LPIN1: variants seen among roughly 807,000 people sequenced by gnomAD.
LPIN1 encodes the protein phosphatidate phosphatase LPIN1.
In LPIN1, 71 loss-of-function variants were observed where a neutral mutation model predicts 107.5. The ratio of observed to expected loss-of-function variants is 0.66; its 90% CI spans 0.55 to 0.80. LPIN1 has a LOEUF of 0.80. Ranked by LOEUF, LPIN1 falls within the 30% of genes least tolerant of loss-of-function variation. The pLI is 0.00. For missense variants in LPIN1, 1,043 were observed against 1,160.6 expected (o/e 0.90, Z 1.47); for synonymous variants, 445 against 452.6 (o/e 0.98, Z 0.21).
chr2:11,714,857 A>T (rs1663626918), intron 2 of LPIN1, among the ~76,000 whole-genome samples: 1 of 152,194 alleles, frequency 6.6e-6, no homozygotes, highest in Admixed American at 6.5e-5. Flanking sequence ...TGGACTAAGG[A>T]TTTGCAGAGG....
chr2:11,801,636 T>A (rs1311802974), intron 14 of LPIN1, among the ~76,000 whole-genome samples: 1 of 152,096 alleles, frequency 6.6e-6, no homozygotes, highest in Non-Finnish European at 1.5e-5. Context: ...AGAGGTTGGT[T>A]AATGGGTACA....
At chr2:11,768,366 GA>G (rs890105231) in intron 3 of LPIN1, among the ~76,000 whole-genome samples, 2 of 152,096 alleles carry the variant, frequency 1.3e-5, no homozygotes, top group Admixed American at 1.3e-4. Context: ...AACCCCAAAA[GA>G]AACACCATAC....
At chr2:11,788,796 T>A (rs1675129513) in intron 12 of LPIN1, among the ~76,000 whole-genome samples, 1 of 152,128 alleles carries the variant, frequency 6.6e-6, no homozygotes, top group South Asian at 2.1e-4. Flanking sequence ...ATTGTCACCC[T>A]GGAAAGGTGG....
chr2:11,769,945 C>T (rs953281729), intron 3 of LPIN1, among the ~76,000 whole-genome samples: 12 of 152,342 alleles, frequency 7.9e-5, no homozygotes, highest in South Asian at 4.1e-4. Flanking sequence ...CCATCCTGCC[C>T]GCCCAGAATG....
chr2:11,704,738 C>T (rs1291484474), intron 1 of LPIN1, among the ~76,000 whole-genome samples: 2 of 152,180 alleles, frequency 1.3e-5, no homozygotes, highest in East Asian at 3.9e-4. Flanking sequence ...CAGCTGGGAT[C>T]CCCAGCCCTG....
intron 20 of LPIN1, among the ~76,000 whole-genome samples, chr2:11,822,448 T>TA (rs879659668): frequency 6.5e-4 from 86 of 131,850 alleles, no homozygotes; most frequent in Middle Eastern, 3.9e-3. Context: ...AGACTCCATC[T>TA]AAAAAAAAAA....
At chr2:11,732,286 A>G (rs998734335) in intron 1 of LPIN1, among the ~76,000 whole-genome samples, 4 of 152,254 alleles carry the variant, frequency 2.6e-5, no homozygotes, top group African/African-American at 4.8e-5. Context: ...ACAGAAAGAA[A>G]TACTGCATTT....
At chr2:11,698,024 G>A (rs1025365424) in intron 1 of LPIN1, among the ~76,000 whole-genome samples, 10 of 152,136 alleles carry the variant, frequency 6.6e-5, no homozygotes, top group African/African-American at 2.2e-4. Context: ...TGTCTCCAGC[G>A]CTGTGTTGTC....
Position 11,792,023 on chromosome 2 carries a change from A to C in LPIN1, c.1806+17A>C, listed in dbSNP as rs1389545748. 6.2e-7 allele frequency: 1 copy of C among 1,605,840 alleles called. No individual in the cohort carries two copies. Among genetic ancestry groups the C allele is most frequent in the Non-Finnish European group, 8.5e-7 (1 of 1,172,930 alleles). The stretch of plus-strand genomic sequence containing the variant: ...ATCAAGGAGGTAAGCCCAGAAGACA[A>C]AGCAGTGCTCACACTTAGCAAGTGT... On this transcript the variant is annotated intron_variant, in intron 13 of 20. Transcript: ENST00000674199.
In LPIN1 at chr2:11,819,958, C is replaced by T. The variant is rs77824775; in HGVS notation, c.2517+360C>T. Among the ~76,000 whole-genome samples the T allele has an allele frequency of 3.1e-3, 476 of 152,304 alleles. 3 individuals carry two copies. Among genetic ancestry groups the T allele is most frequent in the South Asian group, 9.3e-3 (45 of 4,818 alleles). ...CCATAATGGCGAATTCAGCATCTCA[C>T]GTTTTAAGTGTCTAGTGTTGTCTCG... On this transcript the variant is annotated intron_variant, in intron 19 of 20. Transcript: ENST00000674199.
chr2:11,749,873 G>C (rs911318364), intron 1 of LPIN1, among the ~76,000 whole-genome samples: 2 of 152,220 alleles, frequency 1.3e-5, no homozygotes, highest in African/African-American at 2.4e-5. Context: ...TGTGATTCTT[G>C]CAACAACTTA....
In LPIN1 at chr2:11,677,738, G is replaced by T. The variant is rs751058683; in HGVS notation, c.81+10G>T. ...CTCGGCTTGGTCATGGGTAAGGGCC[G>T]GCCATGTGGCCATCTGCAAACACAG... On this transcript the variant is annotated intron_variant, in intron 1 of 21. Transcript: ENST00000449576. The T allele has an allele frequency of 1.8e-5, 28 of 1,533,548 alleles. No individual in the cohort carries two copies. The Admixed American group carries it at 2.9e-4, about 16-fold the overall frequency. 95.0% of individuals were successfully genotyped at this position (1,533,548 alleles called of 1,614,324 possible).
upstream of LPIN1, among the ~76,000 whole-genome samples, chr2:11,721,259 CAT>C (rs1664116012): frequency 7.9e-6 from 1 of 126,770 alleles, no homozygotes; most frequent in South Asian, 2.7e-4. Flanking sequence ...TACTGTACTG[CAT>C]GCGTGTGTGT....
chr2:11,692,901 C>T (rs138899728), intron 1 of LPIN1, among the ~76,000 whole-genome samples: 235 of 152,272 alleles, frequency 1.5e-3, no homozygotes, highest in Middle Eastern at 6.8e-3. Flanking sequence ...CTGGCTCTGC[C>T]CCTGAGATCT....
chr2:11,736,685 A>G (rs1297625666), intron 1 of LPIN1, among the ~76,000 whole-genome samples: 1 of 152,242 alleles, frequency 6.6e-6, no homozygotes, highest in African/African-American at 2.4e-5. Context: ...GACCTTGCCA[A>G]TGATTGAAAT....
At chr2:11,702,993 C>T (rs1267831424) in intron 1 of LPIN1, among the ~76,000 whole-genome samples, 1 of 152,192 alleles carries the variant, frequency 6.6e-6, no homozygotes, top group African/African-American at 2.4e-5. Context: ...GATATTTCTG[C>T]AGCAAGATTT....
chr2:11,696,756 A>G (rs1339306466), intron 1 of LPIN1, among the ~76,000 whole-genome samples: 1 of 152,194 alleles, frequency 6.6e-6, no homozygotes, highest in Non-Finnish European at 1.5e-5. Flanking sequence ...CGCTTGCTCC[A>G]TGGCACCACT....
At chr2:11,737,479 T>G (rs902628322) in intron 1 of LPIN1, among the ~76,000 whole-genome samples, 1 of 152,142 alleles carries the variant, frequency 6.6e-6, no homozygotes, top group Admixed American at 6.5e-5. Context: ...TTTTGCAGTC[T>G]ACCCACCTGA....
intron 1 of LPIN1, among the ~76,000 whole-genome samples, chr2:11,736,292 A>G (rs932856244): frequency 1.3e-5 from 2 of 152,200 alleles, no homozygotes; most frequent in Admixed American, 6.5e-5. Flanking sequence ...AGAAATTTCT[A>G]TCTCATGGTT....
Sources: allele counts gnomAD v4.1 joint callset (sites outside exome capture counted in the v4.1 genomes callset), GRCh38; gene constraint gnomAD v4.1.1; transcripts MANE v1.5; gene names NCBI Gene and HGNC (gene_info 2026-07-23, HGNC 2026-07-21).